IFT56: variants seen among roughly 807,000 people sequenced by gnomAD.
IFT56 encodes intraflagellar transport 56, also known as intraflagellar transport protein 56.
chr7:139,174,233 C>T, the IFT56 span: 1 of 587,630 alleles, frequency 1.7e-6, no homozygotes. Context: ...ATCTTTCTGC[C>T]TTTTTTGTCT....
At chr7:139,149,304 CAA>C in the IFT56 span, among the ~76,000 whole-genome samples, 1,043 of 110,812 alleles carry the variant, frequency 9.4e-3, 18 homozygotes, top group East Asian at 0.083. Context: ...GACTCCATCT[CAA>C]AAAAAAAAAA....
At chr7:139,186,661 G>C in the IFT56 span, among the ~76,000 whole-genome samples, 1 of 152,062 alleles carries the variant, frequency 6.6e-6, no homozygotes, top group Non-Finnish European at 1.5e-5. Context: ...TCCTGGAGTT[G>C]AACATGATCA....
At chr7:139,185,946 A>G in the IFT56 span, among the ~76,000 whole-genome samples, 1 of 152,034 alleles carries the variant, frequency 6.6e-6, no homozygotes, top group East Asian at 1.9e-4. Flanking sequence ...TGAAGAGAAG[A>G]AAGTTGTGTT....
chr7:139,163,077 A>G, the IFT56 span, among the ~76,000 whole-genome samples: 1 of 138,756 alleles, frequency 7.2e-6, no homozygotes, highest in Non-Finnish European at 1.6e-5. Context: ...GGGTGCGGTG[A>G]CTCATGCCTG....
the IFT56 span, among the ~76,000 whole-genome samples, chr7:139,135,499 G>T: frequency 6.6e-6 from 1 of 151,916 alleles, no homozygotes; most frequent in African/African-American, 2.4e-5. Flanking sequence ...ACATGCTTAC[G>T]GTTGAAAATA....
At chr7:139,164,885 G>A in the IFT56 span, among the ~76,000 whole-genome samples, 4 of 152,132 alleles carry the variant, frequency 2.6e-5, no homozygotes, top group African/African-American at 9.7e-5. Flanking sequence ...GTTTAATTAT[G>A]ACAAGGCTGT....
the IFT56 span, chr7:139,179,474 A>C: frequency 2.2e-6 from 2 of 913,084 alleles, no homozygotes; most frequent in African/African-American, 3.3e-5. Flanking sequence ...TGGGCTGTCT[A>C]TAATGCTACA....
the IFT56 span, chr7:139,168,673 C>T: frequency 2.5e-6 from 1 of 398,638 alleles, no homozygotes; most frequent in Non-Finnish European, 4.7e-6. Flanking sequence ...ACTTAAAAAT[C>T]ATTGCGCAAC....
the IFT56 span, chr7:139,178,657 T>G: frequency 6.9e-7 from 1 of 1,453,770 alleles, no homozygotes; most frequent in East Asian, 2.3e-5. Flanking sequence ...CCTTATCTTT[T>G]TCTCACTGGA....
the IFT56 span, among the ~76,000 whole-genome samples, chr7:139,158,652 G>A: frequency 6.2e-4 from 94 of 152,090 alleles, no homozygotes; most frequent in South Asian, 2.5e-3. Context: ...GGTGGCTCAC[G>A]TCTGTAATCC....
At chr7:139,178,809 C>T in the IFT56 span, among the ~76,000 whole-genome samples, 1 of 151,982 alleles carries the variant, frequency 6.6e-6, no homozygotes, top group Admixed American at 6.6e-5. Flanking sequence ...TGGCTTGAGC[C>T]TGGAAGTTTT....
At chr7:139,183,381 T>C in the IFT56 span, among the ~76,000 whole-genome samples, 28 of 152,212 alleles carry the variant, frequency 1.8e-4, no homozygotes, top group African/African-American at 6.5e-4. Context: ...ACGATGGGTG[T>C]AGGTGAAGGC....
the IFT56 span, among the ~76,000 whole-genome samples, chr7:139,187,154 T>G: frequency 6.6e-6 from 1 of 151,260 alleles, no homozygotes. Flanking sequence ...TGACTCTATG[T>G]AGAAAAAATG....
chr7:139,152,259 TG>T, the IFT56 span, among the ~76,000 whole-genome samples: 1 of 152,158 alleles, frequency 6.6e-6, no homozygotes, highest in Non-Finnish European at 1.5e-5. Context: ...CCCAAGTAGC[TG>T]GAACTACAGA....
chr7:139,152,301 A>G, the IFT56 span, among the ~76,000 whole-genome samples: 1 of 151,952 alleles, frequency 6.6e-6, no homozygotes, highest in Non-Finnish European at 1.5e-5. Context: ...TAATTTTAAA[A>G]TTTTCTGTAG....
At chr7:139,186,160 G>A in the IFT56 span, among the ~76,000 whole-genome samples, 2 of 152,174 alleles carry the variant, frequency 1.3e-5, no homozygotes, top group Admixed American at 6.5e-5. Context: ...AGGCGCGGTG[G>A]CTCAAGCCTG....
chr7:139,171,060 A>G, the IFT56 span, among the ~76,000 whole-genome samples: 2 of 152,204 alleles, frequency 1.3e-5, no homozygotes, highest in Non-Finnish European at 2.9e-5. Context: ...CCAACAGCAA[A>G]CAATCTGAAA....
chr7:139,180,198 G>A, the IFT56 span, among the ~76,000 whole-genome samples: 7 of 152,084 alleles, frequency 4.6e-5, no homozygotes, highest in Non-Finnish European at 7.4e-5. Context: ...TTAGCCGGGC[G>A]CGGTGGTGGG....
the IFT56 span, among the ~76,000 whole-genome samples, chr7:139,172,258 G>C: frequency 6.6e-6 from 1 of 152,156 alleles, no homozygotes; most frequent in East Asian, 1.9e-4. Flanking sequence ...TGTGGACCCA[G>C]TTGCTTTTTT....
Sources: gnomAD v4.1 joint callset for allele counts (sites outside exome capture counted in the v4.1 genomes callset) on GRCh38, gnomAD v4.1.1 for gene constraint, MANE v1.5 for transcripts, NCBI Gene and HGNC (gene_info 2026-07-23, HGNC 2026-07-21) for gene names.